ATP11C: variants seen among roughly 807,000 people sequenced by gnomAD.
ATP11C encodes the protein phospholipid-transporting ATPase IG.
ATP11C carries 36 observed loss-of-function variants against 97.4 expected under a neutral mutation model. The observed-to-expected ratio is 0.37, with a 90% CI of 0.28 to 0.49. ATP11C has a LOEUF of 0.49. Ranked by LOEUF, ATP11C falls within the 20% of genes least tolerant of loss-of-function variation. The probability of loss-of-function intolerance (pLI) is 0.98; values close to 1 mark genes in which losing one functional copy is unlikely to be tolerated. For missense variants in ATP11C, 730 were observed against 824.6 expected (o/e 0.89, Z 1.40); for synonymous variants, 275 against 290.9 (o/e 0.95, Z 0.56).
intron 1 of ATP11C, among the ~76,000 whole-genome samples, chrX:139,890,007 T>C (rs931990738): frequency 2.7e-5 from 3 of 112,100 alleles, no homozygotes; most frequent in South Asian, 3.7e-4. Flanking sequence ...CACTCTGATT[T>C]AGAAGAGAAG....
intron 1 of ATP11C, among the ~76,000 whole-genome samples, chrX:139,899,432 G>A (rs2084861381): frequency 9.4e-6 from 1 of 106,424 alleles, no homozygotes; most frequent in African/African-American, 3.5e-5. Context: ...AGCTGAGATC[G>A]CATCACTGCA....
chrX:139,915,294 A>G (rs2085138131), intron 1 of ATP11C, among the ~76,000 whole-genome samples: 1 of 112,042 alleles, frequency 8.9e-6, no homozygotes, highest in Admixed American at 9.5e-5. Context: ...CATTAAAAGT[A>G]CTTGCACCTC....
chrX:139,748,052 T>C (rs1396923098), intron 24 of ATP11C, among the ~76,000 whole-genome samples: 1 of 112,125 alleles, frequency 8.9e-6, no homozygotes, highest in African/African-American at 3.2e-5. Context: ...TCAACAGCTT[T>C]TTGCAGATTT....
At chrX:139,736,125 G>A (rs988612447) in intron 28 of ATP11C, among the ~76,000 whole-genome samples, 3 of 110,978 alleles carry the variant, frequency 2.7e-5, no homozygotes, top group Non-Finnish European at 5.7e-5. Context: ...AAAAAAGGAC[G>A]CAGTCCCAGA....
chrX:139,870,515 T>C (rs906788780), intron 1 of ATP11C, among the ~76,000 whole-genome samples: 1 of 111,989 alleles, frequency 8.9e-6, no homozygotes. Flanking sequence ...CAAACATGAG[T>C]AAACAAAAAT....
intron 1 of ATP11C, among the ~76,000 whole-genome samples, chrX:139,860,104 C>CAAAAAAAAAA (rs1245214221): frequency 5.0e-4 from 10 of 20,081 alleles, no homozygotes; most frequent in Admixed American, 7.2e-4. Context: ...GACTCCGTCT[C>CAAAAAAAAAA]AAAAAAAAAA....
chrX:139,771,869 C>T (rs1188558489), intron 19 of ATP11C, among the ~76,000 whole-genome samples: 1 of 112,108 alleles, frequency 8.9e-6, no homozygotes, highest in Non-Finnish European at 1.9e-5. Flanking sequence ...AGAAAATTTG[C>T]AGCCTGATGA....
At position 139,816,947 on chromosome X, in the gene ATP11C, G is replaced by C. The variant is rs1163227107; in HGVS notation, c.238-4C>G. ...TAGTTGGTGTGTCTACTGTGACCTA[G>C]GTAAATAAAATTAAATTGAAAGTAA... On this transcript the variant is annotated splice_region_variant and splice_polypyrimidine_tract_variant and intron_variant, in intron 3 of 29. Coordinates refer to ENST00000682941, the MANE Select transcript of ATP11C (RefSeq NM_001353812.2). 1 of 1,154,000 alleles carries C rather than the reference G, an allele frequency of 8.7e-7. No individual in the cohort carries two copies. Among genetic ancestry groups the C allele is most frequent in the Non-Finnish European group, 1.2e-6 (1 of 855,750 alleles).
intron 1 of ATP11C, among the ~76,000 whole-genome samples, chrX:139,853,339 G>A (rs755412412): frequency 2.8e-5 from 3 of 107,138 alleles, no homozygotes; most frequent in African/African-American, 1.0e-4. Context: ...AGAGGGGAAA[G>A]ACAGAGAGAG....
Position 139,818,219 on chromosome X carries a change from C to A in ATP11C, c.237+1119G>T, listed in dbSNP as rs187859236. On this transcript the variant is annotated intron_variant, in intron 3 of 29. Coordinates refer to ENST00000682941, the MANE Select transcript of ATP11C (RefSeq NM_001353812.2). ...ACTTACACTGTATACCCAAAGCATTCTGTTAATGCTTCTTGAATGGCTTTA... is the reference window on the plus strand; with the variant it reads ...ACTTACACTGTATACCCAAAGCATTATGTTAATGCTTCTTGAATGGCTTTA... Among the ~76,000 whole-genome samples, 306 of 112,068 alleles carry A rather than the reference C, an allele frequency of 2.7e-3. 1 individual carries two copies. Among genetic ancestry groups the A allele is most frequent in the African/African-American group, 9.5e-3 (293 of 30,895 alleles).
chrX:139,914,012 A>G (rs1050747509), intron 1 of ATP11C, among the ~76,000 whole-genome samples: 1 of 111,872 alleles, frequency 8.9e-6, no homozygotes, highest in Non-Finnish European at 1.9e-5. Flanking sequence ...CCAACAGAAA[A>G]TAGTCAAAAG....
At chrX:139,860,448 A>G in intron 1 of ATP11C, among the ~76,000 whole-genome samples, 1 of 112,285 alleles carries the variant, frequency 8.9e-6, no homozygotes, top group Middle Eastern at 4.6e-3. Flanking sequence ...ACAAAGCAGA[A>G]TATTTTCAAA....
intron 12 of ATP11C, among the ~76,000 whole-genome samples, chrX:139,791,874 T>C (rs1004886087): frequency 2.1e-4 from 23 of 111,664 alleles, no homozygotes; most frequent in South Asian, 3.8e-4. Flanking sequence ...AAAGCCATCA[T>C]TTGCGTGATA....
At chrX:139,733,900 A>G (rs1199407608) in intron 28 of ATP11C, among the ~76,000 whole-genome samples, 1 of 111,880 alleles carries the variant, frequency 8.9e-6, no homozygotes, top group Non-Finnish European at 1.9e-5. Flanking sequence ...AAGTACAGAA[A>G]GCAGGAGAAA....
At chrX:139,757,749 G>C in intron 23 of ATP11C, 59 bp downstream of exon 23, 2 of 814,949 alleles carry the variant, frequency 2.5e-6, no homozygotes, top group Non-Finnish European at 3.5e-6. Context: ...TAATATATAA[G>C]GGTAATTTAT....
At chrX:139,741,146 C>T (rs761844299) in intron 26 of ATP11C, 52 bp from the exon 27 acceptor site, 1 of 760,161 alleles carries the variant, frequency 1.3e-6, no homozygotes, top group Non-Finnish European at 2.0e-6. Context: ...TTGCACCAGG[C>T]AATACGCTAT....
chrX:139,852,481 G>A (rs540373047), intron 1 of ATP11C, among the ~76,000 whole-genome samples: 358 of 29,606 alleles, frequency 0.012, 15 homozygotes, highest in African/African-American at 0.021. Flanking sequence ...GGGGGGGGGG[G>A]AACTGGCCAG....
rs2082047426 is a variant in ATP11C, at chrX:139,762,001, T to C, written c.2600A>G (p.Tyr867Cys). 8.3e-7 allele frequency: 1 copy of C among 1,200,953 alleles called. No homozygotes were observed. Among genetic ancestry groups the C allele is most frequent in the Non-Finnish European group, 1.1e-6 (1 of 887,603 alleles). ...CTGTACAAGGTGTGCTATTCTCACA[T>C]AATATAGATGTCCATGAGCCAACAG... The part of the protein sequence containing the change: ...KLLLAHGHLY[Y>C]VRIAHLVQYF... Residue 867 changes from tyrosine (Y) to cysteine (C), a missense_variant, in exon 22 of 30, where the codon TAT becomes TGT. Physicochemically the swap from Tyr to Cys is radical, Grantham distance 194. Coordinates refer to ENST00000682941, the MANE Select transcript of ATP11C (RefSeq NM_001353812.2).
rs180761432 is a variant in ATP11C at position 139,860,954 on chromosome X, T to A, written c.28-34131A>T. On this transcript the variant is annotated intron_variant, in intron 1 of 29. Coordinates refer to ENST00000682941, the MANE Select transcript of ATP11C (RefSeq NM_001353812.2). ...GAGGAAGGTTAATTCATGCCCTGAA[T>A]CACCCCTGTAGACTCTTTGCTCAAG... 2.7e-5 allele frequency among the ~76,000 whole-genome samples: 3 copies of A among 112,474 alleles called. No homozygotes were observed. In the East Asian group the frequency reaches 8.4e-4, roughly 32 times the overall value.
Sources: allele counts gnomAD v4.1 joint callset (sites outside exome capture counted in the v4.1 genomes callset), GRCh38; gene constraint gnomAD v4.1.1; transcripts MANE v1.5; gene names NCBI Gene and HGNC (gene_info 2026-07-23, HGNC 2026-07-21).